LRCH1: variants seen among roughly 807,000 people sequenced by gnomAD.
The protein encoded by LRCH1 is leucine rich repeats and calponin homology domain containing 1, also known as leucine-rich repeat and calponin homology domain-containing protein 1.
In LRCH1, 23 loss-of-function variants were observed where a neutral mutation model predicts 94.9. That is an observed-to-expected ratio of 0.24 (90% confidence interval 0.17 to 0.34). LRCH1 has a LOEUF of 0.34. Among genes scored for constraint, LRCH1 ranks in the 10% least tolerant of loss-of-function variants. The pLI is 1.00. For missense variants in LRCH1, 790 were observed against 945.9 expected, an observed-to-expected ratio of 0.84 and a Z score of 2.16; for synonymous variants, 364 against 354.9, an observed-to-expected ratio of 1.03 and a Z score of -0.29.
At chr13:46,573,845 AATAT>A (rs1555269134) in intron 1 of LRCH1, among the ~76,000 whole-genome samples, 10 of 78,000 alleles carry the variant, frequency 1.3e-4, no homozygotes, top group African/African-American at 3.9e-4. Context: ...ACTATAGTCA[AATAT>A]ATATATATAT....
chr13:46,717,384 C>G (rs887684646), intron 16 of LRCH1: 7 of 152,166 alleles, frequency 4.6e-5, no homozygotes, highest in African/African-American at 4.8e-5. Context: ...AGCTGTTATG[C>G]TGTACCACAA....
chr13:46,600,166 C>G (rs933560333), intron 1 of LRCH1, among the ~76,000 whole-genome samples: 1 of 152,062 alleles, frequency 6.6e-6, no homozygotes, highest in Non-Finnish European at 1.5e-5. Context: ...GGATTACAGG[C>G]GTGAGCCACC....
chr13:46,745,011 C>A, downstream of LRCH1: 1 of 650,198 alleles, frequency 1.5e-6, no homozygotes, highest in Non-Finnish European at 1.9e-6. Flanking sequence ...ATTGAATGAG[C>A]AATCTCTGCA....
chr13:46,603,362 C>T lies in LRCH1; in HGVS notation c.308-46839C>T, dbSNP rs1246870240. Among the ~76,000 whole-genome samples, 3 of 152,040 alleles carry T rather than the reference C, an allele frequency of 2.0e-5. No individual in the cohort carries two copies. The East Asian group carries it at 5.8e-4, about 29-fold the overall frequency. On this transcript the variant is annotated intron_variant, in intron 1 of 19. Transcript: ENST00000389797. Reference sequence around the variant, plus strand: ...TCAGCCCCATTCTCTTTCTGTCAGCCCCATTCTCTTTCTGTCAGCCGCCCT... The same window carrying T: ...TCAGCCCCATTCTCTTTCTGTCAGCTCCATTCTCTTTCTGTCAGCCGCCCT...
chr13:46,652,656 C>G (rs879489297), intron 2 of LRCH1, among the ~76,000 whole-genome samples: 2 of 152,162 alleles, frequency 1.3e-5, no homozygotes, highest in Non-Finnish European at 2.9e-5. Flanking sequence ...TCTCCTAAGA[C>G]ATCTGTACTC....
chr13:46,582,370 CTTTT>C lies in LRCH1; in HGVS notation c.307+28686_307+28689del, dbSNP rs10686269. ...ATGGAAGAACAACCGTTGCTCTCATCTTTTTTTTTTTTTTTTTTTTTTGGTCATT... is the reference window on the plus strand; with the variant it reads ...ATGGAAGAACAACCGTTGCTCTCATCTTTTTTTTTTTTTTTTTTGGTCATT... On this transcript the variant is annotated intron_variant, in intron 1 of 19. Transcript: ENST00000389797. 2.4e-3 allele frequency among the ~76,000 whole-genome samples: 194 copies of C among 79,600 alleles called. 1 individual carries two copies. The highest frequency in any genetic ancestry group is 9.3e-3 in the South Asian group (17 of 1,820). 52.2% of individuals were successfully genotyped at this position (79,600 alleles called of 152,430 possible). A position where few individuals can be genotyped will look rare whatever the true frequency, so the allele number is the denominator to read the frequency against.
At chr13:46,564,579 A>G (rs1206080974) in intron 1 of LRCH1, among the ~76,000 whole-genome samples, 1 of 152,188 alleles carries the variant, frequency 6.6e-6, no homozygotes, top group Non-Finnish European at 1.5e-5. Flanking sequence ...GGCATAAGTC[A>G]GGGATCCACT....
At chr13:46,655,887 T>TACA (rs1313502279) in intron 2 of LRCH1, among the ~76,000 whole-genome samples, 1 of 152,182 alleles carries the variant, frequency 6.6e-6, no homozygotes, top group Non-Finnish European at 1.5e-5. Flanking sequence ...TAGGGTGAAA[T>TACA]ACACTCAGCT....
At chr13:46,586,678 C>CAA (rs2050439156) in intron 1 of LRCH1, among the ~76,000 whole-genome samples, 1 of 152,222 alleles carries the variant, frequency 6.6e-6, no homozygotes, top group Non-Finnish European at 1.5e-5. Flanking sequence ...CTCAGCCTCT[C>CAA]AAAGTGCTGG....
At chr13:46,683,483 G>A (rs1450391747) in intron 4 of LRCH1, among the ~76,000 whole-genome samples, 1 of 152,092 alleles carries the variant, frequency 6.6e-6, no homozygotes, top group Non-Finnish European at 1.5e-5. Context: ...CTTGTATTTG[G>A]TTTAAGCAAG....
At chr13:46,566,294 T>C (rs1473743741) in intron 1 of LRCH1, among the ~76,000 whole-genome samples, 1 of 152,156 alleles carries the variant, frequency 6.6e-6, no homozygotes, top group Non-Finnish European at 1.5e-5. Context: ...AATAAATATA[T>C]AGTAGATTCA....
intron 4 of LRCH1, among the ~76,000 whole-genome samples, chr13:46,682,861 T>C (rs940842157): frequency 5.9e-5 from 9 of 152,294 alleles, no homozygotes; most frequent in South Asian, 2.1e-4. Flanking sequence ...AAGGCAGATA[T>C]GTATATTTAT....
chr13:46,583,428 A>C (rs1027174543), intron 1 of LRCH1, among the ~76,000 whole-genome samples: 1 of 152,204 alleles, frequency 6.6e-6, no homozygotes, highest in South Asian at 2.1e-4. Flanking sequence ...GGTATGTCAT[A>C]GCGTAATTTT....
rs1288570749 is a variant in LRCH1, at chr13:46,735,788, C to CTTT, written c.2085+1792_2085+1794dup. Among the ~76,000 whole-genome samples, 36 of 69,908 alleles carry CTTT rather than the reference C, an allele frequency of 5.1e-4. 11 individuals are homozygous for CTTT. Among genetic ancestry groups the CTTT allele is most frequent in the African/African-American group, 4.7e-4 (10 of 21,122 alleles). 45.9% of individuals were successfully genotyped at this position (69,908 alleles called of 152,430 possible). ...AGGTGATTTTCCTTTTTTTCTTTTTCTTTTCTTTTTTTTTTTTTTTTCGAG... is the reference window on the plus strand; with the variant it reads ...AGGTGATTTTCCTTTTTTTCTTTTTCTTTTTTTCTTTTTTTTTTTTTTTTCGAG... On this transcript the variant is annotated intron_variant, in intron 19 of 19. Coordinates refer to ENST00000389797, the MANE Select transcript of LRCH1 (RefSeq NM_001164211.2).
chr13:46,683,119 T>C (rs750673856), intron 4 of LRCH1, among the ~76,000 whole-genome samples: 4 of 152,232 alleles, frequency 2.6e-5, no homozygotes, highest in African/African-American at 4.8e-5. Context: ...AACCCTGTAG[T>C]ACTTGGAAAC....
chr13:46,598,890 G>A (rs2050596422), intron 1 of LRCH1, among the ~76,000 whole-genome samples: 1 of 152,160 alleles, frequency 6.6e-6, no homozygotes, highest in South Asian at 2.1e-4. Flanking sequence ...CATCTTGACT[G>A]TTTTTAAGTG....
At chr13:46,723,417 T>C in intron 17 of LRCH1, 87 bp downstream of exon 17, 1 of 1,020,380 alleles carries the variant, frequency 9.8e-7, no homozygotes, top group Non-Finnish European at 1.5e-6. Context: ...TTGCAAGCAG[T>C]CCTAATTTCA....
At chr13:46,674,772 A>G (rs756226293) in intron 3 of LRCH1, among the ~76,000 whole-genome samples, 2 of 152,258 alleles carry the variant, frequency 1.3e-5, no homozygotes, top group Admixed American at 6.5e-5. Context: ...TATTTTACAA[A>G]TAAGTTTCAA....
downstream of LRCH1, among the ~76,000 whole-genome samples, chr13:46,748,759 A>G (rs1252685918): frequency 6.6e-6 from 1 of 152,222 alleles, no homozygotes; most frequent in African/African-American, 2.4e-5. Context: ...CTACTTTGAT[A>G]CACAGCAATG....
Sources: allele counts gnomAD v4.1 joint callset (sites outside exome capture counted in the v4.1 genomes callset), GRCh38; gene constraint gnomAD v4.1.1; transcripts MANE v1.5; gene names NCBI Gene and HGNC (gene_info 2026-07-23, HGNC 2026-07-21).